Variants in IL1RAPL2 observed in about 807,000 individuals in gnomAD.
IL1RAPL2 encodes interleukin 1 receptor accessory protein like 2, also known as X-linked interleukin-1 receptor accessory protein-like 2.
IL1RAPL2 carries 3 observed loss-of-function variants against 44.1 expected under a neutral mutation model. The observed-to-expected ratio is 0.07, with a 90% CI of 0.03 to 0.18. The LOEUF (loss-of-function observed/expected upper bound fraction) is 0.18, where lower values mean the gene tolerates loss of function less well. Ranked by LOEUF, IL1RAPL2 falls within the 10% of genes least tolerant of loss-of-function variation. IL1RAPL2 has a pLI of 1.00. For synonymous variants in IL1RAPL2, 181 were observed against 178.8 expected (o/e 1.01, Z -0.10); for missense variants, 391 against 496.4 (o/e 0.79, Z 2.02).
chrX:105,139,491 A>G, intron 2 of IL1RAPL2, among the ~76,000 whole-genome samples: 1 of 111,801 alleles, frequency 8.9e-6, no homozygotes, highest in Non-Finnish European at 1.9e-5. Flanking sequence ...GCAAAGTACC[A>G]GAGACTGAGT....
chrX:104,574,156 T>G (rs181411934), intron 1 of IL1RAPL2, among the ~76,000 whole-genome samples: 3 of 111,120 alleles, frequency 2.7e-5, no homozygotes, highest in East Asian at 5.6e-4. Context: ...CATTTAACCT[T>G]CAAAAAAGTC....
chrX:105,584,256 G>A (rs1328547012), intron 6 of IL1RAPL2, among the ~76,000 whole-genome samples: 1 of 111,347 alleles, frequency 9.0e-6, no homozygotes, highest in African/African-American at 3.3e-5. Context: ...CATTCTGTTA[G>A]TTTTTACTTT....
chrX:104,929,909 A>G (rs1924857197), intron 2 of IL1RAPL2, among the ~76,000 whole-genome samples: 1 of 112,041 alleles, frequency 8.9e-6, no homozygotes, highest in Non-Finnish European at 1.9e-5. Context: ...ACTGCTCACA[A>G]ATTCTAAGTC....
At chrX:105,747,516 GTATATA>G (rs554778058) in intron 8 of IL1RAPL2, among the ~76,000 whole-genome samples, 2 of 53,892 alleles carry the variant, frequency 3.7e-5, no homozygotes, top group African/African-American at 6.3e-5. Flanking sequence ...GTGTGTGTGT[GTATATA>G]TATATATATA....
chrX:104,686,919 T>C (rs926552447), intron 2 of IL1RAPL2, among the ~76,000 whole-genome samples: 1 of 112,372 alleles, frequency 8.9e-6, no homozygotes, highest in African/African-American at 3.2e-5. Context: ...CTACAACTAA[T>C]ACTCAATGTT....
At chrX:105,308,520 C>G (rs1349215541) in intron 5 of IL1RAPL2, among the ~76,000 whole-genome samples, 2 of 112,203 alleles carry the variant, frequency 1.8e-5, no homozygotes, top group Non-Finnish European at 3.8e-5. Flanking sequence ...ATCCTTCTCT[C>G]CTTTCCAGAG....
At chrX:105,026,095 G>A (rs1322810005) in intron 2 of IL1RAPL2, among the ~76,000 whole-genome samples, 1 of 110,587 alleles carries the variant, frequency 9.0e-6, no homozygotes, top group Non-Finnish European at 1.9e-5. Flanking sequence ...TAGCTGGCCA[G>A]CACTGGAATA....
At chrX:105,097,330 C>CAAAAA (rs201390547) in intron 2 of IL1RAPL2, among the ~76,000 whole-genome samples, 13 of 43,178 alleles carry the variant, frequency 3.0e-4, no homozygotes, top group South Asian at 2.0e-3. Context: ...CAGTGTCAGA[C>CAAAAA]AAAAAAAAAA....
chrX:104,805,535 G>A (rs1175347848), intron 2 of IL1RAPL2, among the ~76,000 whole-genome samples: 1 of 111,352 alleles, frequency 9.0e-6, no homozygotes, highest in Admixed American at 9.6e-5. Context: ...CTTGGAATCA[G>A]AATTAAAACT....
chrX:105,035,304 A>T (rs778849445), intron 2 of IL1RAPL2, among the ~76,000 whole-genome samples: 1 of 111,735 alleles, frequency 8.9e-6, no homozygotes, highest in African/African-American at 3.3e-5. Context: ...CTCAGATGGA[A>T]ATGCAAAAAT....
intron 4 of IL1RAPL2, among the ~76,000 whole-genome samples, chrX:105,251,328 G>A (rs2034267112): frequency 9.1e-6 from 1 of 110,043 alleles, no homozygotes; most frequent in Non-Finnish European, 1.9e-5. Context: ...AATGCTTGGA[G>A]ATTTTGAATC....
intron 5 of IL1RAPL2, among the ~76,000 whole-genome samples, chrX:105,303,232 G>A (rs1391214943): frequency 9.0e-6 from 1 of 111,690 alleles, no homozygotes; most frequent in Non-Finnish European, 1.9e-5. Context: ...TTTCAGAGGA[G>A]ACAATGATTT....
intron 2 of IL1RAPL2, among the ~76,000 whole-genome samples, chrX:104,953,967 A>G (rs757254331): frequency 8.9e-6 from 1 of 111,814 alleles, no homozygotes; most frequent in Non-Finnish European, 1.9e-5. Flanking sequence ...TAGAAGTTAG[A>G]CTGTGTTCCA....
chrX:104,644,081 T>A (rs1234087072), intron 1 of IL1RAPL2, among the ~76,000 whole-genome samples: 1 of 111,778 alleles, frequency 8.9e-6, no homozygotes, highest in Non-Finnish European at 1.9e-5. Context: ...TTGAAAACAT[T>A]TTTTTTAAAG....
chrX:105,659,068 G>A (rs1250785337), intron 6 of IL1RAPL2, among the ~76,000 whole-genome samples: 3 of 110,514 alleles, frequency 2.7e-5, no homozygotes, highest in Non-Finnish European at 3.8e-5. Context: ...TAGAGGTTGC[G>A]GTGAGCTGAG....
At chrX:105,538,165 T>C (rs2036692414) in intron 6 of IL1RAPL2, among the ~76,000 whole-genome samples, 1 of 106,810 alleles carries the variant, frequency 9.4e-6, no homozygotes, top group African/African-American at 3.5e-5. Flanking sequence ...GTCTCCCGAG[T>C]AGCTGGGACT....
chrX:104,860,482 C>A (rs900976490), intron 2 of IL1RAPL2, among the ~76,000 whole-genome samples: 1 of 111,386 alleles, frequency 9.0e-6, no homozygotes, highest in Admixed American at 9.6e-5. Flanking sequence ...CAGTACACAC[C>A]AAAGATGTAT....
chrX:105,414,269 A>G (rs1422202058), intron 5 of IL1RAPL2, among the ~76,000 whole-genome samples: 1 of 110,620 alleles, frequency 9.0e-6, no homozygotes, highest in African/African-American at 3.3e-5. Flanking sequence ...CCGGGACTAT[A>G]GGTGCCCACC....
chrX:105,447,200 TATATATAA>T (rs2035967360), intron 5 of IL1RAPL2, among the ~76,000 whole-genome samples: 1 of 26,666 alleles, frequency 3.8e-5, no homozygotes, highest in African/African-American at 1.1e-4. Context: ...TATATATAAA[TATATATAA>T]ATATATATAA....
Sources: gnomAD v4.1 joint callset for allele counts (sites outside exome capture counted in the v4.1 genomes callset) on GRCh38, gnomAD v4.1.1 for gene constraint, MANE v1.5 for transcripts, NCBI Gene and HGNC (gene_info 2026-07-23, HGNC 2026-07-21) for gene names.